CD44: variants seen among roughly 807,000 people sequenced by gnomAD.
CD44 encodes the protein CD44 antigen.
In CD44, 49 loss-of-function variants were observed where a neutral mutation model predicts 88.8. That is an observed-to-expected ratio of 0.55 (90% confidence interval 0.44 to 0.70). CD44 has a LOEUF of 0.70. Ranked by LOEUF, CD44 falls within the 30% of genes least tolerant of loss-of-function variation. CD44 has a pLI of 0.00. For synonymous variants in CD44, 325 were observed against 312.3 expected, an observed-to-expected ratio of 1.04 and a Z score of -0.43; for missense variants, 883 against 913.8, an observed-to-expected ratio of 0.97 and a Z score of 0.43.
At chr11:35,161,182 C>T (rs756488383) in intron 1 of CD44, among the ~76,000 whole-genome samples, 35 of 152,092 alleles carry the variant, frequency 2.3e-4, no homozygotes, top group Middle Eastern at 3.2e-3. Context: ...CTGTTAAGTA[C>T]CAGGCTCTTT....
chr11:35,151,061 T>C lies in CD44; in HGVS notation c.67+11691T>C, dbSNP rs140320750. 5.7e-3 allele frequency among the ~76,000 whole-genome samples: 861 copies of C among 152,232 alleles called. 5 individuals are homozygous for C. Among genetic ancestry groups the C allele is most frequent in the Admixed American group, 6.4e-3 (98 of 15,290 alleles). ...AGGAAAAACAGACATCTCGATTGCA[T>C]GTGAAGGCTTCAAGGAATTTGAGGA... On this transcript the variant is annotated intron_variant, in intron 1 of 17. Coordinates refer to ENST00000428726, the MANE Select transcript of CD44 (RefSeq NM_000610.4).
Position 35,190,083 on chromosome 11 carries a change from C to T in CD44, c.667+18C>T, listed in dbSNP as rs370616475. ...TGCTACCAGTAAGGAGAATAAATCACTGTGCTTCCCAATAGCAATTCCCTG... is the reference window on the plus strand; with the variant it reads ...TGCTACCAGTAAGGAGAATAAATCATTGTGCTTCCCAATAGCAATTCCCTG... On this transcript the variant is annotated intron_variant, in intron 5 of 17. Coordinates refer to ENST00000428726, the MANE Select transcript of CD44 (RefSeq NM_000610.4). The T allele has an allele frequency of 3.9e-5, 63 of 1,596,218 alleles. No homozygotes were observed. The Middle Eastern group carries it at 1.8e-3, about 46-fold the overall frequency.
At chr11:35,229,070 T>A in intron 17 of CD44, 59 bp from the exon 18 acceptor site, 6 of 1,354,424 alleles carry the variant, frequency 4.4e-6, no homozygotes, top group South Asian at 1.2e-5. Flanking sequence ...GTAAGGATGA[T>A]GATCTGATGC....
At chr11:35,157,682 T>C (rs1942082373) in intron 1 of CD44, among the ~76,000 whole-genome samples, 1 of 152,340 alleles carries the variant, frequency 6.6e-6, no homozygotes, top group East Asian at 1.9e-4. Context: ...CTGTACCTGC[T>C]TCCTTGGCTG....
At chr11:35,184,420 G>T (rs1414760938) in intron 3 of CD44, among the ~76,000 whole-genome samples, 1 of 152,056 alleles carries the variant, frequency 6.6e-6, no homozygotes, top group Non-Finnish European at 1.5e-5. Flanking sequence ...TTTCATCCCT[G>T]GCATCAAGAA....
chr11:35,153,235 A>G (rs937461598), intron 1 of CD44, among the ~76,000 whole-genome samples: 3 of 152,174 alleles, frequency 2.0e-5, no homozygotes, highest in Non-Finnish European at 4.4e-5. Flanking sequence ...CAAGAAGACA[A>G]TGATCTGATC....
chr11:35,210,376 T>G (rs1285069962), intron 13 of CD44: 1 of 161,766 alleles, frequency 6.2e-6, no homozygotes, highest in Non-Finnish European at 1.3e-5. Context: ...CTTTCTAACT[T>G]TTTTATGTGG....
rs138127420 is a variant in CD44, at chr11:35,224,503, C to G, written c.2024+2771C>G. Among the ~76,000 whole-genome samples the G allele has an allele frequency of 1.7e-4, 26 of 152,216 alleles. 1 individual carries two copies. Among genetic ancestry groups the G allele is most frequent in the African/African-American group, 5.3e-4 (22 of 41,518 alleles). ...TGTGCAGTGGCTCACTTTGGGAGGCCGAGGCAGTGGATTAGTTGAGCCTAG... is the reference window on the plus strand; with the variant it reads ...TGTGCAGTGGCTCACTTTGGGAGGCGGAGGCAGTGGATTAGTTGAGCCTAG... On this transcript the variant is annotated intron_variant, in intron 17 of 17. Coordinates refer to ENST00000428726, the MANE Select transcript of CD44 (RefSeq NM_000610.4).
chr11:35,141,545 C>T (rs927741705), intron 1 of CD44, among the ~76,000 whole-genome samples: 4 of 152,140 alleles, frequency 2.6e-5, no homozygotes, highest in Non-Finnish European at 5.9e-5. Flanking sequence ...CCATCTTCTG[C>T]TTTGTCTTTG....
chr11:35,184,557 G>C lies in CD44; in HGVS notation c.368-2275G>C, dbSNP rs138218617. On this transcript the variant is annotated intron_variant, in intron 3 of 17. Transcript: ENST00000428726. ...ATAGATACTCCCCTAAATCTCCCAGGTTGGCTATATGCCCTTATTTTCAAG... is the reference window on the plus strand; with the variant it reads ...ATAGATACTCCCCTAAATCTCCCAGCTTGGCTATATGCCCTTATTTTCAAG... Among the ~76,000 whole-genome samples, 1,196 of 152,186 alleles carry C rather than the reference G, an allele frequency of 7.9e-3. 20 individuals are homozygous for C. Among genetic ancestry groups the C allele is most frequent in the African/African-American group, 0.027 (1,134 of 41,508 alleles).
At chr11:35,208,772 T>C (rs1175741391) in intron 12 of CD44, among the ~76,000 whole-genome samples, 5 of 152,194 alleles carry the variant, frequency 3.3e-5, no homozygotes, top group African/African-American at 9.6e-5. Context: ...GTTCAAATTC[T>C]AGTAGCCTTA....
chr11:35,231,893 A>T lies in CD44; in HGVS notation c.*2560A>T, dbSNP rs1950076348. On this transcript the variant is annotated 3_prime_UTR_variant, in exon 18 of 18. Coordinates refer to ENST00000428726, the MANE Select transcript of CD44 (RefSeq NM_000610.4). ...TTGTGTCTCCTGAAGACTTCCCTTA[A>T]AATTAGCTCTGAGTGAAAAATCAAA... The T allele has an allele frequency of 6.6e-6, 1 of 152,242 alleles. No individual in the cohort carries two copies. Among genetic ancestry groups the T allele is most frequent in the African/African-American group, 2.4e-5 (1 of 41,462 alleles). The allele number at this position is 152,242 out of a possible 1,614,324, so 9.4% of individuals were successfully genotyped here.
rs199590679 is a variant in CD44 at position 35,210,250 on chromosome 11, AT to A, written c.1606+199del. ...TCTTCGTACATTAAGTGCAAACTACATTTCTTCATCTTAAAAGTTGGGTTTC... is the reference window on the plus strand; with the variant it reads ...TCTTCGTACATTAAGTGCAAACTACATTCTTCATCTTAAAAGTTGGGTTTC... On this transcript the variant is annotated intron_variant, in intron 13 of 17. Coordinates refer to ENST00000428726, the MANE Select transcript of CD44 (RefSeq NM_000610.4). 1,380 of 387,426 alleles carry A rather than the reference AT, an allele frequency of 3.6e-3. 12 individuals carry two copies. The highest frequency in any genetic ancestry group is 0.027 in the African/African-American group (1,281 of 47,930). 24.0% of individuals were successfully genotyped at this position (387,426 alleles called of 1,614,324 possible).
intron 12 of CD44, among the ~76,000 whole-genome samples, chr11:35,209,320 C>T (rs970694695): frequency 4.6e-5 from 7 of 152,212 alleles, no homozygotes; most frequent in African/African-American, 1.7e-4. Context: ...TTTGCCCAGG[C>T]AAGCGTTTCC....
intron 5 of CD44, 167 bp downstream of exon 5, chr11:35,190,232 T>C: frequency 1.6e-6 from 1 of 627,154 alleles, no homozygotes. Context: ...GTAAACTGCC[T>C]GCATTGACTA....
Position 35,176,555 on chromosome 11 carries a change from AT to A in CD44, c.68-17del, listed in dbSNP as rs779685882. ...AATTATTTATGCAAAAGAATCTAAC[AT>A]TTCTATTTCTTCCCATAGATTTGAA... is the stretch of plus-strand genomic sequence containing the variant. On this transcript the variant is annotated intron_variant, in intron 1 of 17. Coordinates refer to ENST00000428726, the MANE Select transcript of CD44 (RefSeq NM_000610.4). 1 of 1,598,996 alleles carries A rather than the reference AT, an allele frequency of 6.3e-7. No homozygotes were observed. Among genetic ancestry groups the A allele is most frequent in the Admixed American group, 1.8e-5 (1 of 57,124 alleles).
chr11:35,194,686 G>C (rs1020269671), intron 5 of CD44, among the ~76,000 whole-genome samples: 1 of 152,164 alleles, frequency 6.6e-6, no homozygotes, highest in African/African-American at 2.4e-5. Context: ...TATCAGAAAG[G>C]CCTGTGGATC....
At chr11:35,178,693 A>G (rs998219287) in intron 2 of CD44, among the ~76,000 whole-genome samples, 3 of 152,232 alleles carry the variant, frequency 2.0e-5, no homozygotes, top group African/African-American at 7.2e-5. Context: ...GCAAAAACTC[A>G]GTAATAGCTT....
intron 1 of CD44, among the ~76,000 whole-genome samples, chr11:35,168,384 C>T (rs1381817686): frequency 6.6e-6 from 1 of 152,180 alleles, no homozygotes; most frequent in East Asian, 1.9e-4. Context: ...TCAGTTACCT[C>T]TTGTGTAAAA....
Sources: allele counts gnomAD v4.1 joint callset (sites outside exome capture counted in the v4.1 genomes callset), GRCh38; gene constraint gnomAD v4.1.1; transcripts MANE v1.5; gene names NCBI Gene and HGNC (gene_info 2026-07-23, HGNC 2026-07-21).